The following GPHN variants were observed in gnomAD, a reference collection of about 807,000 sequenced individuals.
The protein encoded by GPHN is gephyrin.
A neutral mutation model predicts 95.5 loss-of-function variants in GPHN; 17 were observed. The observed-to-expected ratio is 0.18, with a 90% CI of 0.12 to 0.27. GPHN has a LOEUF of 0.27. Ranked by LOEUF, GPHN falls within the 10% of genes least tolerant of loss-of-function variation. The pLI, the probability that GPHN is intolerant of heterozygous loss-of-function variation, is 1.00. For missense variants in GPHN, 660 were observed against 978.1 expected (o/e 0.67, Z 4.34); for synonymous variants, 320 against 322.5 (o/e 0.99, Z 0.08).
the GPHN span, chr14:67,312,724 T>C: frequency 1.3e-6 from 2 of 1,548,562 alleles, no homozygotes; most frequent in Non-Finnish European, 1.7e-6. Flanking sequence ...AGACACAATA[T>C]GGTAGAAAGT....
At chr14:67,149,390 ATTG>A (rs1308221262) in intron 18 of GPHN, among the ~76,000 whole-genome samples, 1 of 152,192 alleles carries the variant, frequency 6.6e-6, no homozygotes, top group East Asian at 1.9e-4. Flanking sequence ...AAATGGCTTT[ATTG>A]TTGTTATTTT....
chr14:67,487,362 A>C, the GPHN span, among the ~76,000 whole-genome samples: 1 of 152,188 alleles, frequency 6.6e-6, no homozygotes, highest in East Asian at 1.9e-4. Flanking sequence ...TCCAGCCACA[A>C]AAGTCTGGGA....
intron 8 of GPHN, among the ~76,000 whole-genome samples, chr14:66,951,632 C>T (rs1242955927): frequency 6.6e-6 from 1 of 151,442 alleles, no homozygotes; most frequent in African/African-American, 2.4e-5. Flanking sequence ...AGAAAAAGAT[C>T]AAAGTGGGAA....
At chr14:66,550,701 G>A (rs1254474146) in intron 1 of GPHN, among the ~76,000 whole-genome samples, 1 of 152,156 alleles carries the variant, frequency 6.6e-6, no homozygotes, top group Non-Finnish European at 1.5e-5. Flanking sequence ...TTTATTTTAA[G>A]AAATTGCCAC....
the GPHN span, among the ~76,000 whole-genome samples, chr14:67,282,421 T>C: frequency 6.6e-6 from 1 of 152,120 alleles, no homozygotes; most frequent in African/African-American, 2.4e-5. Flanking sequence ...TTCTAAACAA[T>C]ACATCATCAT....
chr14:66,528,751 G>C (rs2058791458), intron 1 of GPHN, among the ~76,000 whole-genome samples: 1 of 152,118 alleles, frequency 6.6e-6, no homozygotes, highest in African/African-American at 2.4e-5. Flanking sequence ...TGGTAATTCT[G>C]GGTTTAAAAT....
At chr14:67,606,716 A>G in the GPHN span, among the ~76,000 whole-genome samples, 736 of 152,174 alleles carry the variant, frequency 4.8e-3, 34 homozygotes, top group East Asian at 0.082. Flanking sequence ...GCGTGATCTC[A>G]GCTCACTGTG....
chr14:67,654,396 G>A, the GPHN span, among the ~76,000 whole-genome samples: 34 of 152,202 alleles, frequency 2.2e-4, 1 homozygote, highest in East Asian at 5.8e-3. Context: ...TCCCACCTCA[G>A]CCTCCCAAAG....
At chr14:67,093,596 C>T (rs1218950964) in intron 12 of GPHN, among the ~76,000 whole-genome samples, 3 of 151,902 alleles carry the variant, frequency 2.0e-5, no homozygotes, top group African/African-American at 7.2e-5. Context: ...TTAGTTAATT[C>T]CAAAAAGAAA....
chr14:67,163,879 C>T lies in GPHN; in HGVS notation c.1911-1283C>T, dbSNP rs542996879. On this transcript the variant is annotated intron_variant, in intron 19 of 22. Transcript: ENST00000478722. The stretch of plus-strand genomic sequence containing the variant: ...AAAAAAAAAACACTATTCTCAACTG[C>T]CCACTCTATGCCACTCACTCCTTCC... 5.3e-5 allele frequency among the ~76,000 whole-genome samples: 8 copies of T among 151,982 alleles called. No homozygotes were observed. The South Asian group carries it at 1.7e-3, about 32-fold the overall frequency.
intron 9 of GPHN, among the ~76,000 whole-genome samples, chr14:66,983,887 A>AT (rs1335468532): frequency 2.0e-5 from 3 of 152,066 alleles, no homozygotes; most frequent in Non-Finnish European, 4.4e-5. Context: ...ATAAGCATTA[A>AT]TTTTTTTCCA....
chr14:67,608,136 C>T, the GPHN span, among the ~76,000 whole-genome samples: 19 of 151,742 alleles, frequency 1.3e-4, no homozygotes, highest in Non-Finnish European at 1.5e-4. Context: ...CCCAGCTACA[C>T]GGGAGGCTGA....
the GPHN span, among the ~76,000 whole-genome samples, chr14:67,248,485 T>G: frequency 6.6e-6 from 1 of 152,236 alleles, no homozygotes; most frequent in Admixed American, 6.5e-5. Context: ...TTTTCTTGAT[T>G]ATGATATAAC....
chr14:66,817,035 A>T (rs1566975971), intron 3 of GPHN, among the ~76,000 whole-genome samples: 1 of 152,152 alleles, frequency 6.6e-6, no homozygotes. Flanking sequence ...AGAAAACATT[A>T]TATATTTATA....
At chr14:67,679,777 G>A in the GPHN span, among the ~76,000 whole-genome samples, 46 of 152,102 alleles carry the variant, frequency 3.0e-4, 1 homozygote, top group African/African-American at 1.1e-3. Context: ...ACTCATTTTT[G>A]TATTCTCTGG....
intron 20 of GPHN, among the ~76,000 whole-genome samples, chr14:67,168,672 C>G (rs976524092): frequency 6.6e-6 from 1 of 152,120 alleles, no homozygotes; most frequent in Non-Finnish European, 1.5e-5. Flanking sequence ...AGCTGGCTCT[C>G]AGGAAAGCGG....
intron 9 of GPHN, among the ~76,000 whole-genome samples, chr14:66,968,800 C>T (rs1005371001): frequency 1.1e-4 from 17 of 152,072 alleles, no homozygotes; most frequent in African/African-American, 3.4e-4. Flanking sequence ...ATTGTTCCAA[C>T]TTCTACAAAT....
At chr14:67,546,446 G>A in the GPHN span, among the ~76,000 whole-genome samples, 9 of 152,062 alleles carry the variant, frequency 5.9e-5, no homozygotes, top group Non-Finnish European at 8.8e-5. Context: ...TTGTTGCCCC[G>A]GCTGGAGTGC....
chr14:67,269,645 C>G, the GPHN span: 8 of 152,658 alleles, frequency 5.2e-5, no homozygotes, highest in South Asian at 1.7e-3. Flanking sequence ...CCTTTACCCC[C>G]CAAAACACTG....
Sources: allele counts gnomAD v4.1 joint callset (sites outside exome capture counted in the v4.1 genomes callset), GRCh38; gene constraint gnomAD v4.1.1; transcripts MANE v1.5; gene names NCBI Gene and HGNC (gene_info 2026-07-23, HGNC 2026-07-21).